The following TTC7B variants were observed in gnomAD, a reference collection of about 807,000 sequenced individuals.
The protein encoded by TTC7B is tetratricopeptide repeat protein 7B.
TTC7B carries 28 observed loss-of-function variants against 106.8 expected under a neutral mutation model. The observed-to-expected ratio is 0.26, with a 90% confidence interval of 0.19 to 0.36. TTC7B has a LOEUF of 0.36. Among genes scored for constraint, TTC7B ranks in the 10% least tolerant of loss-of-function variants. TTC7B has a pLI of 1.00. For missense variants in TTC7B, 862 were observed against 1,076.4 expected (o/e 0.80, Z 2.79); for synonymous variants, 405 against 430.6 (o/e 0.94, Z 0.74).
chr14:90,742,099 G>A lies in TTC7B; in HGVS notation c.576+2693C>T, dbSNP rs1889789466. ...ATTGACTTTTTTTTTTAAGTGCAGTGGTACAATCATAGCTCACTGCAACCT... is the reference window on the plus strand; with the variant it reads ...ATTGACTTTTTTTTTTAAGTGCAGTAGTACAATCATAGCTCACTGCAACCT... On this transcript the variant is annotated intron_variant, in intron 4 of 19. Coordinates refer to ENST00000328459, the MANE Select transcript of TTC7B (RefSeq NM_001010854.2). The surrounding 1 kb of genome is among the most constrained non-coding windows in gnomAD (Gnocchi z 4.1). 6.6e-6 allele frequency among the ~76,000 whole-genome samples: 1 copy of A among 151,932 alleles called. No homozygotes were observed.
At position 90,744,828 on chromosome 14, in the gene TTC7B, C is replaced by T. The variant is rs756372396; in HGVS notation, c.540G>A (p.Gly180=). Residue 180 remains glycine (G), a synonymous_variant, in exon 4 of 20, where the codon GGG becomes GGA. Coordinates refer to ENST00000328459, the MANE Select transcript of TTC7B (RefSeq NM_001010854.2). ...CTTGGAGATACAGGAGTGCGATGTC[C>T]CCTGCTTTCTCATAACAGGTGATGA... ...QDVITCYEKA[G]DIALLYLQEI... is the part of the protein sequence containing the mutation. The T allele has an allele frequency of 6.2e-7, 1 of 1,614,004 alleles. No homozygotes were observed. The highest frequency in any genetic ancestry group is 1.1e-5 in the South Asian group (1 of 91,082).
chr14:90,558,131 A>G (rs1890403814), intron 19 of TTC7B, among the ~76,000 whole-genome samples: 1 of 152,252 alleles, frequency 6.6e-6, no homozygotes, highest in Non-Finnish European at 1.5e-5. Context: ...CGTCCAGCCC[A>G]GGGTCCACTT....
rs146374886 is a variant in TTC7B at position 90,732,338 on chromosome 14, C to T, written c.577-2142G>A. 1.6e-4 allele frequency among the ~76,000 whole-genome samples: 25 copies of T among 152,228 alleles called. No individual in the cohort carries two copies. The East Asian group carries it at 4.8e-3, about 29-fold the overall frequency. On this transcript the variant is annotated intron_variant, in intron 4 of 19. Transcript: ENST00000328459. ...CTTCCTGTTAGATTTCTACAACAGC[C>T]TCCTGAATGGAGTCTCCACGTCCTC...
chr14:90,784,221 C>A (rs575806286), intron 2 of TTC7B, among the ~76,000 whole-genome samples: 100 of 152,198 alleles, frequency 6.6e-4, no homozygotes, highest in African/African-American at 2.3e-3. Flanking sequence ...AGATCAAGAC[C>A]TACCCCTGTG....
intron 6 of TTC7B, among the ~76,000 whole-genome samples, chr14:90,694,781 A>G (rs1887630626): frequency 1.4e-5 from 2 of 140,546 alleles, no homozygotes; most frequent in African/African-American, 5.1e-5. Flanking sequence ...TAAAATATGT[A>G]TATTTTATAT....
At chr14:90,743,407 A>G (rs1452980406) in intron 4 of TTC7B, among the ~76,000 whole-genome samples, 1 of 152,246 alleles carries the variant, frequency 6.6e-6, no homozygotes, top group Non-Finnish European at 1.5e-5. Flanking sequence ...ATAAAGTAAC[A>G]AAAGCTAGGG....
rs1390652757 is a variant in TTC7B at position 90,537,124 on chromosome 14, C to T, written c.*4244G>A. 1 of 152,260 alleles carries T rather than the reference C, an allele frequency of 6.6e-6. No homozygotes were observed. Among genetic ancestry groups the T allele is most frequent in the Non-Finnish European group, 1.5e-5 (1 of 68,038 alleles). The allele number at this position is 152,260 out of a possible 1,614,324, so 9.4% of individuals were successfully genotyped here. ...CCCCACTGAAAGCTTGATTTGACTT[C>T]TGACCTCCAAAACAAAGAGAATAAA... On this transcript the variant is annotated 3_prime_UTR_variant, in exon 20 of 20. Transcript: ENST00000328459.
intron 3 of TTC7B, among the ~76,000 whole-genome samples, chr14:90,768,068 A>C (rs936328635): frequency 6.6e-6 from 1 of 152,204 alleles, no homozygotes; most frequent in Admixed American, 6.5e-5. Context: ...AACAAGAAGC[A>C]ACTTGTCACA....
At chr14:90,653,509 C>T (rs2139894958) in intron 12 of TTC7B, among the ~76,000 whole-genome samples, 1 of 152,316 alleles carries the variant, frequency 6.6e-6, no homozygotes, top group East Asian at 1.9e-4. Flanking sequence ...ATGAGGCCAC[C>T]TCGCTGTGAA....
Position 90,530,233 on chromosome 14 carries a change from A to G in TTC7B, c.*11135T>C, listed in dbSNP as rs1889251821. ...CAGTGAGCCGAGATCGCACCACTGCACTCCAGCCTGGGCAATTGAGCGAGA... is the reference window on the plus strand; with the variant it reads ...CAGTGAGCCGAGATCGCACCACTGCGCTCCAGCCTGGGCAATTGAGCGAGA... On this transcript the variant is annotated 3_prime_UTR_variant, in exon 20 of 20. Transcript: ENST00000328459. The G allele has an allele frequency of 6.6e-6, 1 of 152,244 alleles. No individual in the cohort carries two copies. Among genetic ancestry groups the G allele is most frequent in the Admixed American group, 6.5e-5 (1 of 15,274 alleles). 9.4% of individuals were successfully genotyped at this position (152,244 alleles called of 1,614,324 possible).
At position 90,780,748 on chromosome 14, in the gene TTC7B, G is replaced by A. The variant is rs538944889; in HGVS notation, c.435C>T (p.Tyr145=). ...PYRLRVIAEA[Y]ATKGLCLEKL... is the part of the protein sequence containing the mutation. ...AGGCACGGGCCTCACCTTTGGTAGC[G>A]TAGGCTTCTGCGATCACCCGCAGCC... Residue 145 remains tyrosine (Y), a synonymous_variant, in exon 3 of 20, where the codon TAC becomes TAT. Coordinates refer to ENST00000328459, the MANE Select transcript of TTC7B (RefSeq NM_001010854.2). The A allele has an allele frequency of 1.7e-5, 28 of 1,614,112 alleles. No individual in the cohort carries two copies. The highest frequency in any genetic ancestry group is 1.5e-4 in the South Asian group (14 of 91,080).
intron 3 of TTC7B, among the ~76,000 whole-genome samples, chr14:90,769,970 G>A (rs1266228763): frequency 1.3e-5 from 2 of 151,878 alleles, no homozygotes; most frequent in East Asian, 1.9e-4. Context: ...GCAACATAGT[G>A]AGACCCCATC....
chr14:90,653,100 G>T (rs1240517658), intron 12 of TTC7B, among the ~76,000 whole-genome samples: 2 of 152,242 alleles, frequency 1.3e-5, no homozygotes, highest in African/African-American at 4.8e-5. Context: ...CTCATTAGGT[G>T]TGACTGTGGA....
chr14:90,708,145 CAAAAAAA>C (rs56260414), intron 5 of TTC7B, among the ~76,000 whole-genome samples: 3 of 61,318 alleles, frequency 4.9e-5, no homozygotes, highest in African/African-American at 6.4e-5. Flanking sequence ...GACTCCATCT[CAAAAAAA>C]AAAAAAAAAA....
intron 1 of TTC7B, among the ~76,000 whole-genome samples, chr14:90,798,498 G>A (rs1051483713): frequency 1.3e-5 from 2 of 152,046 alleles, no homozygotes; most frequent in African/African-American, 4.8e-5. Context: ...CTCGCCTGAG[G>A]TCAAGAGTTC....
intron 19 of TTC7B, among the ~76,000 whole-genome samples, chr14:90,549,608 G>C (rs1244316235): frequency 6.6e-6 from 1 of 152,164 alleles, no homozygotes; most frequent in Non-Finnish European, 1.5e-5. Flanking sequence ...GGAGGGACCT[G>C]GCTGGCCACA....
At chr14:90,782,071 A>T (rs914922179) in intron 2 of TTC7B, among the ~76,000 whole-genome samples, 1 of 152,138 alleles carries the variant, frequency 6.6e-6, no homozygotes, top group African/African-American at 2.4e-5. Context: ...AGTGGACAAC[A>T]CGGCCAGGTA....
At chr14:90,590,251 G>T (rs1891901167) in intron 18 of TTC7B, among the ~76,000 whole-genome samples, 1 of 152,188 alleles carries the variant, frequency 6.6e-6, no homozygotes, top group Non-Finnish European at 1.5e-5. Context: ...GCAGCTGGCG[G>T]CACAGGTGTC....
intron 17 of TTC7B, among the ~76,000 whole-genome samples, chr14:90,607,332 G>A (rs1435485871): frequency 4.6e-5 from 7 of 152,212 alleles, no homozygotes; most frequent in African/African-American, 1.7e-4. Context: ...TGTGGCTGTG[G>A]CTGTGCACCC....
Sources: allele counts gnomAD v4.1 joint callset (sites outside exome capture counted in the v4.1 genomes callset), GRCh38; gene constraint gnomAD v4.1.1; non-coding constraint Gnocchi (gnomAD v3.1); transcripts MANE v1.5; gene names NCBI Gene and HGNC (gene_info 2026-07-23, HGNC 2026-07-21).